CDADC1: variants seen among roughly 807,000 people sequenced by gnomAD.
The protein encoded by CDADC1 is dCTP deaminase.
CDADC1 carries 39 observed loss-of-function variants against 54.9 expected under a neutral mutation model. The ratio of observed to expected loss-of-function variants is 0.71; its 90% CI spans 0.55 to 0.93. The LOEUF is 0.93. Ranked by LOEUF, CDADC1 falls within the 40% of genes least tolerant of loss-of-function variation. The probability of loss-of-function intolerance (pLI) is 0.00; values close to 1 mark genes in which losing one functional copy is unlikely to be tolerated. For missense variants in CDADC1, 518 were observed against 618.8 expected (o/e 0.84, Z 1.73); for synonymous variants, 186 against 204.0 (o/e 0.91, Z 0.75).
At chr13:49,257,150 A>G (rs1952565279) in intron 3 of CDADC1, among the ~76,000 whole-genome samples, 1 of 152,214 alleles carries the variant, frequency 6.6e-6, no homozygotes, top group South Asian at 2.1e-4. Flanking sequence ...TCTTTGTCTC[A>G]AACTTGGTAT....
intron 8 of CDADC1, 107 bp downstream of exon 8, chr13:49,280,805 AATTATTATT>A (rs10626538): frequency 2.2e-5 from 5 of 228,266 alleles, no homozygotes; most frequent in Non-Finnish European, 4.1e-5. Context: ...AGTTTCAACA[AATTATTATT>A]ATTATTATTA....
intron 6 of CDADC1, among the ~76,000 whole-genome samples, chr13:49,275,769 AGAGAGAGAGAGAGAGAGAGAGAGAGAGT>A (rs1369194527): frequency 8.2e-5 from 9 of 109,498 alleles, no homozygotes; most frequent in Non-Finnish European, 1.2e-4. Context: ...AGAGAGAGAG[AGAGAGAGAGAGAGAGAGAGAGAGAGAGT>A]CTCACTCTGT....
intron 6 of CDADC1, among the ~76,000 whole-genome samples, chr13:49,275,716 TATATATATATAGAGAGAGAGAGAGAG>T (rs1566369911): frequency 1.3e-3 from 78 of 57,946 alleles, no homozygotes; most frequent in Non-Finnish European, 1.8e-3. Context: ...TATATATATA[TATATATATATAGAGAGAGAGAGAGAG>T]AGAGAGAGAG....
rs1952604121 is a variant in CDADC1, at chr13:49,258,683, C to T, written c.253-663C>T. The stretch of plus-strand genomic sequence containing the variant: ...TACTCTGACATCAAGTTCTCTCATC[C>T]TTTTTGACACTTGATGGTATGTCTT... On this transcript the variant is annotated intron_variant, in intron 3 of 9. Transcript: ENST00000251108. 4.6e-5 allele frequency among the ~76,000 whole-genome samples: 7 copies of T among 152,296 alleles called. No individual in the cohort carries two copies. In the South Asian group the frequency reaches 1.5e-3, roughly 32 times the overall value.
intron 2 of CDADC1, among the ~76,000 whole-genome samples, chr13:49,252,764 A>G (rs1952463405): frequency 6.6e-6 from 1 of 152,230 alleles, no homozygotes; most frequent in Middle Eastern, 3.2e-3. Flanking sequence ...TTGCAGTCAT[A>G]GCAGGAACAC....
At chr13:49,263,004 G>A (rs1175728044) in intron 4 of CDADC1, among the ~76,000 whole-genome samples, 1 of 152,098 alleles carries the variant, frequency 6.6e-6, no homozygotes, top group Non-Finnish European at 1.5e-5. Context: ...AATATTCTGT[G>A]TGAGGAAACA....
At chr13:49,260,971 G>A (rs942158584) in intron 4 of CDADC1, among the ~76,000 whole-genome samples, 2 of 152,162 alleles carry the variant, frequency 1.3e-5, no homozygotes, top group South Asian at 4.1e-4. Context: ...TTCCTGGTCA[G>A]GGGGAACAGT....
intron 5 of CDADC1, among the ~76,000 whole-genome samples, chr13:49,271,100 A>G (rs2138229606): frequency 6.6e-6 from 1 of 152,324 alleles, no homozygotes; most frequent in African/African-American, 2.4e-5. Flanking sequence ...AATAAAGAGG[A>G]TCCATAGAGA....
At chr13:49,289,109 C>G (rs1400504974) in intron 9 of CDADC1, among the ~76,000 whole-genome samples, 1 of 102,588 alleles carries the variant, frequency 9.7e-6, no homozygotes, top group African/African-American at 3.8e-5. Context: ...ACGGAAGTAG[C>G]TTTTTTTTTG....
At chr13:49,263,210 A>C (rs960827850) in intron 4 of CDADC1, among the ~76,000 whole-genome samples, 1 of 152,246 alleles carries the variant, frequency 6.6e-6, no homozygotes, top group Admixed American at 6.5e-5. Flanking sequence ...TGTCACTTTC[A>C]GATAAACAAC....
At chr13:49,256,144 A>G (rs67311158) in intron 3 of CDADC1, among the ~76,000 whole-genome samples, 34,539 of 150,650 alleles carry the variant, frequency 0.23, 4,072 homozygotes, top group South Asian at 0.26. Flanking sequence ...AAAAAAAAAA[A>G]CTCTTGATGG....
intron 2 of CDADC1, among the ~76,000 whole-genome samples, chr13:49,252,861 A>G (rs887811695): frequency 3.9e-5 from 6 of 152,198 alleles, no homozygotes; most frequent in South Asian, 2.1e-4. Flanking sequence ...TCTAAATTTC[A>G]TATGCATGTA....
rs140112510 is a variant in CDADC1, at chr13:49,256,953, G to A, written c.252+1040G>A. ...ACTGTACCCTTTTGCCCATGTTTTA[G>A]TGTAAAACTCTGTGACTAGGATCAA... On this transcript the variant is annotated intron_variant, in intron 3 of 9. Coordinates refer to ENST00000251108, the MANE Select transcript of CDADC1 (RefSeq NM_030911.4). 1.7e-3 allele frequency among the ~76,000 whole-genome samples: 262 copies of A among 152,282 alleles called. 1 individual carries two copies. Among genetic ancestry groups the A allele is most frequent in the Admixed American group, 0.013 (194 of 15,294 alleles).
chr13:49,291,930 T>C lies in CDADC1; in HGVS notation c.*173T>C. The C allele has an allele frequency of 2.2e-6, 3 of 1,380,882 alleles. No individual in the cohort carries two copies. Among genetic ancestry groups the C allele is most frequent in the Non-Finnish European group, 2.8e-6 (3 of 1,066,990 alleles). 85.5% of individuals were successfully genotyped at this position (1,380,882 alleles called of 1,614,324 possible). A position where few individuals can be genotyped will look rare whatever the true frequency, so the allele number is the denominator to read the frequency against. ...GGTGTTAATAAGAATATTTGTCTTT[T>C]AGATTTATGTGTGGGTTTTCCATAA... is the stretch of plus-strand genomic sequence containing the variant. On this transcript the variant is annotated 3_prime_UTR_variant, in exon 10 of 10. Transcript: ENST00000251108.
chr13:49,286,143 T>TCTTC, intron 8 of CDADC1, 79 bp from the exon 9 acceptor site: 1 of 1,172,894 alleles, frequency 8.5e-7, no homozygotes, highest in South Asian at 1.3e-5. Flanking sequence ...GAAGTTGTTT[T>TCTTC]GATATTTAAA....
chr13:49,263,143 CA>C (rs1566359052), intron 4 of CDADC1, among the ~76,000 whole-genome samples: 2 of 152,170 alleles, frequency 1.3e-5, no homozygotes, highest in East Asian at 3.9e-4. Flanking sequence ...CATGAACTGA[CA>C]ATGGTTAGTT....
rs1953734471 is a variant in CDADC1, at chr13:49,292,363, T to C, written c.*606T>C. 2 of 983,828 alleles carry C rather than the reference T, an allele frequency of 2.0e-6. No individual in the cohort carries two copies. The highest frequency in any genetic ancestry group is 2.4e-6 in the Non-Finnish European group (2 of 831,728). The allele number at this position is 983,828 out of a possible 1,614,324, so 60.9% of individuals were successfully genotyped here. ...TTCTGTGGTCCTGTTTATCACAGAC[T>C]TTGGGTAGCAATAGGAAGAGAGTGT... On this transcript the variant is annotated 3_prime_UTR_variant, in exon 10 of 10. Coordinates refer to ENST00000251108, the MANE Select transcript of CDADC1 (RefSeq NM_030911.4).
chr13:49,267,863 CT>C lies in CDADC1; in HGVS notation c.807del (p.Phe269LeufsTer4), dbSNP rs1282748193. ...GLENLCENPYFSNLRQNMKDL... is the reference protein window; with the variant it reads ...GLENLCENPYXSNLRQNMKDL... ...TGGAGAACCTGTGTGAAAATCCATA[CT>C]TTAGCAATCTAAGGCAAAACATGAA... On this transcript the variant is annotated frameshift_variant, in exon 5 of 10. Transcript: ENST00000251108. LOFTEE classifies it high-confidence loss of function. 1 of 1,614,102 alleles carries C rather than the reference CT, an allele frequency of 6.2e-7. No homozygotes were observed. Among genetic ancestry groups the C allele is most frequent in the African/African-American group, 1.3e-5 (1 of 75,040 alleles).
At position 49,292,226 on chromosome 13, in the gene CDADC1, A is replaced by G. The variant is rs1953727727; in HGVS notation, c.*469A>G. 1 of 984,324 alleles carries G rather than the reference A, an allele frequency of 1.0e-6. No homozygotes were observed. The highest frequency in any genetic ancestry group is 1.2e-6 in the Non-Finnish European group (1 of 826,880). 61.0% of individuals were successfully genotyped at this position (984,324 alleles called of 1,614,324 possible). A position where few individuals can be genotyped will look rare whatever the true frequency, so the allele number is the denominator to read the frequency against. ...AGTGTATAGCAAACCAAAAGATCAC[A>G]TTTATACCCAAAGCTTTCTAGTAAT... On this transcript the variant is annotated 3_prime_UTR_variant, in exon 10 of 10. Transcript: ENST00000251108.
Sources: allele counts gnomAD v4.1 joint callset (sites outside exome capture counted in the v4.1 genomes callset), GRCh38; gene constraint gnomAD v4.1.1; transcripts MANE v1.5; gene names NCBI Gene and HGNC (gene_info 2026-07-23, HGNC 2026-07-21).